PAIP1: variants seen among roughly 807,000 people sequenced by gnomAD.
PAIP1 encodes polyadenylate-binding protein-interacting protein 1.
In PAIP1, 16 loss-of-function variants were observed where a neutral mutation model predicts 61.3. That is an observed-to-expected ratio of 0.26 (90% CI 0.18 to 0.40). PAIP1 has a LOEUF of 0.40. Ranked by LOEUF, PAIP1 falls within the 10% of genes least tolerant of loss-of-function variation. The pLI is 1.00. For synonymous variants in PAIP1, 187 were observed against 226.2 expected (o/e 0.83, Z 1.56); for missense variants, 416 against 600.9 (o/e 0.69, Z 3.22).
intron 9 of PAIP1, among the ~76,000 whole-genome samples, chr5:43,532,017 G>T (rs1746962528): frequency 6.6e-6 from 1 of 152,090 alleles, no homozygotes; most frequent in Non-Finnish European, 1.5e-5. Context: ...TGATTTTTCT[G>T]TAAAACTGTA....
At chr5:43,533,554 T>C (rs191167815) in intron 9 of PAIP1, among the ~76,000 whole-genome samples, 184 bp downstream of exon 9, 2 of 152,356 alleles carry the variant, frequency 1.3e-5, no homozygotes, top group East Asian at 3.9e-4. Flanking sequence ...ATACTTTCAT[T>C]TGAAATGTTT....
chr5:43,528,912 G>T (rs2112371707), intron 10 of PAIP1, among the ~76,000 whole-genome samples: 1 of 152,238 alleles, frequency 6.6e-6, no homozygotes. Flanking sequence ...GATGGTAAGT[G>T]AGTAATATGT....
rs749709809 is a variant in PAIP1, at chr5:43,527,361, T to C, written c.*15A>G. On this transcript the variant is annotated 3_prime_UTR_variant, in exon 11 of 11. Coordinates refer to ENST00000306846, the MANE Select transcript of PAIP1 (RefSeq NM_006451.5). ...CCTAAACTGCTTTATAAAACTGATATGCTGAAATTTAACTTTACTGTTTTC... is the reference window on the plus strand; with the variant it reads ...CCTAAACTGCTTTATAAAACTGATACGCTGAAATTTAACTTTACTGTTTTC... 18 of 1,577,376 alleles carry C rather than the reference T, an allele frequency of 1.1e-5. No individual in the cohort carries two copies. The African/African-American group carries it at 1.2e-4, about 11-fold the overall frequency.
chr5:43,544,152 A>ATT (rs1561234718), intron 3 of PAIP1, among the ~76,000 whole-genome samples: 4 of 149,376 alleles, frequency 2.7e-5, no homozygotes, highest in African/African-American at 4.9e-5. Context: ...TTTTTAAAAA[A>ATT]AAAAAAAAAA....
intron 1 of PAIP1, 25 bp from the exon 2 acceptor site, chr5:43,556,024 G>C (rs549180998): frequency 1.2e-6 from 2 of 1,602,848 alleles, no homozygotes; most frequent in South Asian, 2.2e-5. Flanking sequence ...AAAACGGGGC[G>C]TCAGATGCAT....
In PAIP1 at chr5:43,548,036, C is replaced by T. The variant is rs976841081; in HGVS notation, c.436-123G>A. On this transcript the variant is annotated intron_variant, in intron 2 of 10. Transcript: ENST00000306846. ...TCACATGATAAAAATTTATGTTCATCAATAAAATTGTCAATTGAGCTATTT... is the reference window on the plus strand; with the variant it reads ...TCACATGATAAAAATTTATGTTCATTAATAAAATTGTCAATTGAGCTATTT... 1.0e-5 allele frequency: 6 copies of T among 600,152 alleles called. No individual in the cohort carries two copies. The African/African-American group carries it at 1.2e-4, about 12-fold the overall frequency. 37.2% of individuals were successfully genotyped at this position (600,152 alleles called of 1,614,324 possible).
At chr5:43,540,941 C>T (rs964921173) in intron 4 of PAIP1, among the ~76,000 whole-genome samples, 49 of 152,094 alleles carry the variant, frequency 3.2e-4, no homozygotes, top group African/African-American at 1.2e-3. Context: ...GGGTGAGAAG[C>T]ACTGAAAAAT....
chr5:43,539,140 C>A, intron 4 of PAIP1, 105 bp from the exon 5 acceptor site: 6 of 705,618 alleles, frequency 8.5e-6, no homozygotes, highest in Non-Finnish European at 1.5e-5. Flanking sequence ...GAGGCAAGGA[C>A]AATGTCCCAA....
At chr5:43,534,752 T>G in intron 8 of PAIP1, 101 bp downstream of exon 8, 1 of 709,852 alleles carries the variant, frequency 1.4e-6, no homozygotes, top group Non-Finnish European at 2.5e-6. Context: ...TGAAGACAGT[T>G]ATTAGGCACT....
upstream of PAIP1, chr5:43,557,303 GGGGGGATGA>G (rs1561241767): frequency 3.5e-4 from 53 of 153,506 alleles, no homozygotes; most frequent in Admixed American, 7.2e-4. Context: ...GGCCAGGCTG[GGGGGGATGA>G]GGGATGAGGG....
At chr5:43,552,019 A>G (rs1416595550) in intron 2 of PAIP1, among the ~76,000 whole-genome samples, 1 of 152,164 alleles carries the variant, frequency 6.6e-6, no homozygotes, top group African/African-American at 2.4e-5. Flanking sequence ...TTCCAAACAG[A>G]GATATTTTCA....
intron 3 of PAIP1, among the ~76,000 whole-genome samples, chr5:43,545,065 ACTG>A (rs768444309): frequency 2.6e-5 from 4 of 152,138 alleles, no homozygotes; most frequent in African/African-American, 4.8e-5. Flanking sequence ...CATGTATTAC[ACTG>A]CTTTTACTTT....
At chr5:43,555,406 T>C (rs1437153616) in intron 2 of PAIP1, among the ~76,000 whole-genome samples, 1 of 152,240 alleles carries the variant, frequency 6.6e-6, no homozygotes, top group Non-Finnish European at 1.5e-5. Context: ...ATTCCAACTG[T>C]GCTTTGTACG....
chr5:43,551,728 G>A (rs1166995487), intron 2 of PAIP1, among the ~76,000 whole-genome samples: 2 of 147,696 alleles, frequency 1.4e-5, no homozygotes, highest in African/African-American at 5.1e-5. Flanking sequence ...ATGCTGCTTA[G>A]AGCGCTGATT....
intron 4 of PAIP1, among the ~76,000 whole-genome samples, chr5:43,539,944 C>T (rs570083585): frequency 6.6e-6 from 1 of 152,294 alleles, no homozygotes; most frequent in Non-Finnish European, 1.5e-5. Flanking sequence ...ACTTGCTTCA[C>T]AAAACTGGTT....
At chr5:43,529,733 C>T (rs954546140) in intron 10 of PAIP1, 53 bp downstream of exon 10, 1 of 925,200 alleles carries the variant, frequency 1.1e-6, no homozygotes, top group Non-Finnish European at 1.8e-6. Context: ...CTAATCTCCA[C>T]CTATAAATTA....
Position 43,548,051 on chromosome 5 carries a change from T to C in PAIP1, c.436-138A>G, listed in dbSNP as rs75768198. On this transcript the variant is annotated intron_variant, in intron 2 of 10. Coordinates refer to ENST00000306846, the MANE Select transcript of PAIP1 (RefSeq NM_006451.5). ...TTATGTTCATCAATAAAATTGTCAA[T>C]TGAGCTATTTTTCTTCCTTGCCTAA... The C allele has an allele frequency of 8.1e-4, 474 of 581,984 alleles. 3 individuals are homozygous for C. The highest frequency in any genetic ancestry group is 7.9e-3 in the African/African-American group (412 of 52,012). 36.1% of individuals were successfully genotyped at this position (581,984 alleles called of 1,614,324 possible). A position where few individuals can be genotyped will look rare whatever the true frequency, so the allele number is the denominator to read the frequency against.
In PAIP1 at chr5:43,533,764, C is replaced by T; in HGVS notation, c.1226G>A (p.Gly409Asp). 6.3e-7 allele frequency: 1 copy of T among 1,586,912 alleles called. No homozygotes were observed. The highest frequency in any genetic ancestry group is 1.1e-5 in the South Asian group (1 of 90,514). Residue 409 changes from glycine (G) to aspartate (D), a missense_variant, in exon 9 of 11, where the codon GGT (glycine) becomes GAT (aspartate). Physicochemically the swap from Gly to Asp is moderately conservative, Grantham distance 94. Coordinates refer to ENST00000306846, the MANE Select transcript of PAIP1 (RefSeq NM_006451.5). The part of the protein sequence containing the change: ...MNEPTFYTSD[G>D]VPFTAADPDY... ...TGGATCAGCTGCAGTGAAAGGAACACCATCAGATGTATAAAATGTTGGTTC... is the reference window on the plus strand; with the variant it reads ...TGGATCAGCTGCAGTGAAAGGAACATCATCAGATGTATAAAATGTTGGTTC...
intron 9 of PAIP1, among the ~76,000 whole-genome samples, chr5:43,530,895 G>C (rs1478183283): frequency 6.6e-6 from 1 of 152,124 alleles, no homozygotes; most frequent in Non-Finnish European, 1.5e-5. Flanking sequence ...CAGAAAGCCA[G>C]AAAGCAAGGT....
Sources: gnomAD v4.1 joint callset for allele counts (sites outside exome capture counted in the v4.1 genomes callset) on GRCh38, gnomAD v4.1.1 for gene constraint, MANE v1.5 for transcripts, NCBI Gene and HGNC (gene_info 2026-07-23, HGNC 2026-07-21) for gene names.